Variants in CCDC125 observed in about 807,000 individuals in gnomAD.
The protein encoded by CCDC125 is coiled-coil domain containing 125.
CCDC125 carries 43 observed loss-of-function variants against 57.4 expected under a neutral mutation model. The ratio of observed to expected loss-of-function variants is 0.75; its 90% CI spans 0.59 to 0.97. The LOEUF is 0.97. Ranked by LOEUF, CCDC125 falls within the 50% of genes least tolerant of loss-of-function variation. The probability of loss-of-function intolerance (pLI) is 0.00; values close to 1 mark genes in which losing one functional copy is unlikely to be tolerated. For synonymous variants in CCDC125, 187 were observed against 195.2 expected (o/e 0.96, Z 0.35); for missense variants, 563 against 595.7 (o/e 0.95, Z 0.57).
rs1396075072 is a variant in CCDC125, at chr5:69,301,354, C to T, written c.701-1227G>A. Reference sequence around the variant, plus strand: ...TAGCCTCTTCTCTAAATTTTTAGGGCTGGGTGCAGTGGCTCACACCTGTAA... The same window carrying T: ...TAGCCTCTTCTCTAAATTTTTAGGGTTGGGTGCAGTGGCTCACACCTGTAA... On this transcript the variant is annotated intron_variant, in intron 7 of 11. Coordinates refer to ENST00000396496, the MANE Select transcript of CCDC125 (RefSeq NM_176816.5). 3.3e-5 allele frequency among the ~76,000 whole-genome samples: 5 copies of T among 152,208 alleles called. No homozygotes were observed. In the East Asian group the frequency reaches 9.7e-4, roughly 30 times the overall value.
At chr5:69,313,720 C>G in intron 3 of CCDC125, 1 of 771,738 alleles carries the variant, frequency 1.3e-6, no homozygotes, top group South Asian at 1.3e-5. Flanking sequence ...TCCTTGCCCT[C>G]CCCTTCAGGA....
intron 1 of CCDC125, among the ~76,000 whole-genome samples, chr5:69,331,205 A>G (rs1029190120): frequency 6.6e-6 from 1 of 152,026 alleles, no homozygotes; most frequent in South Asian, 2.1e-4. Context: ...TGGGAGGCTA[A>G]GCAGGAGAAT....
At chr5:69,294,709 G>A (rs1008778053) in intron 9 of CCDC125, 84 bp downstream of exon 9, 5 of 1,018,744 alleles carry the variant, frequency 4.9e-6, no homozygotes, top group Non-Finnish European at 7.5e-6. Flanking sequence ...CTAAAATGAA[G>A]TTAATTATTG....
chr5:69,326,000 T>C (rs1760692562), intron 1 of CCDC125, among the ~76,000 whole-genome samples: 3 of 151,780 alleles, frequency 2.0e-5, no homozygotes, highest in Non-Finnish European at 4.4e-5. Flanking sequence ...TGTACCACCT[T>C]GCCAGGCTAA....
intron 11 of CCDC125, 100 bp from the exon 12 acceptor site, chr5:69,283,134 TA>T (rs1226809311): frequency 2.2e-6 from 2 of 893,110 alleles, no homozygotes; most frequent in African/African-American, 3.4e-5. Flanking sequence ...TATTCAACCC[TA>T]ATATTCATAC....
chr5:69,277,855 A>C (rs1030178357), downstream of CCDC125, among the ~76,000 whole-genome samples: 2 of 152,136 alleles, frequency 1.3e-5, no homozygotes, highest in African/African-American at 4.8e-5. Context: ...AAAAAAAGAA[A>C]ACATTACAGA....
At position 69,300,075 on chromosome 5, in the gene CCDC125, C is replaced by T. The variant is rs1366575258; in HGVS notation, c.753G>A (p.Gln251=). 1 of 1,614,204 alleles carries T rather than the reference C, an allele frequency of 6.2e-7. No individual in the cohort carries two copies. Among genetic ancestry groups the T allele is most frequent in the South Asian group, 1.1e-5 (1 of 91,078 alleles). ...EALAMLDIKQ[Q]KMAQENMCCD... is the part of the protein sequence containing the mutation. ...AGCACATGTTTTCCTGAGCCATCTT[C>T]TGCTGTTTGATATCAAGCATGGCGA... The change falls in exon 8 of 12, where the codon CAG becomes CAA. Residue 251 remains glutamine (Q), a synonymous_variant. Transcript: ENST00000396496.
downstream of CCDC125, among the ~76,000 whole-genome samples, chr5:69,279,298 C>CG (rs1168150196): frequency 2.0e-5 from 3 of 150,698 alleles, no homozygotes; most frequent in Admixed American, 6.6e-5. Flanking sequence ...ACTGGGTTCA[C>CG]CCATTCTCCT....
chr5:69,287,735 A>ATT (rs35078773), intron 10 of CCDC125, among the ~76,000 whole-genome samples: 1 of 144,166 alleles, frequency 6.9e-6, no homozygotes, highest in East Asian at 2.0e-4. Context: ...ACACTTGGCT[A>ATT]TTTTTTTTTT....
chr5:69,320,123 G>A, intron 2 of CCDC125, 114 bp downstream of exon 2: 1 of 1,089,920 alleles, frequency 9.2e-7, no homozygotes, highest in Non-Finnish European at 1.3e-6. Context: ...ACTCCGTCCA[G>A]AAAAAAAAGA....
chr5:69,317,670 G>C (rs183135233), intron 2 of CCDC125, among the ~76,000 whole-genome samples: 1 of 152,132 alleles, frequency 6.6e-6, no homozygotes, highest in Non-Finnish European at 1.5e-5. Context: ...ACAGACTCCC[G>C]ATCATTTTGG....
chr5:69,311,439 T>C (rs188508445), intron 3 of CCDC125, among the ~76,000 whole-genome samples: 9 of 152,116 alleles, frequency 5.9e-5, no homozygotes, highest in Admixed American at 2.0e-4. Context: ...TCACCTGAGG[T>C]CAGGAGTTCA....
At chr5:69,290,293 TTATTATTAC>T (rs1326692081) in intron 10 of CCDC125, among the ~76,000 whole-genome samples, 9 of 150,606 alleles carry the variant, frequency 6.0e-5, no homozygotes, top group African/African-American at 2.2e-4. Flanking sequence ...ATTATTATTA[TTATTATTAC>T]TATTATTATT....
chr5:69,282,776 T>G lies in CCDC125; in HGVS notation c.1489A>C (p.Arg497=), dbSNP rs1215036276. 1 of 1,611,860 alleles carries G rather than the reference T, an allele frequency of 6.2e-7. No homozygotes were observed. The highest frequency in any genetic ancestry group is 8.5e-7 in the Non-Finnish European group (1 of 1,179,588). Residue 497 remains arginine, a synonymous_variant, in exon 12 of 12, where the codon AGA becomes CGA. Transcript: ENST00000396496. The stretch of plus-strand genomic sequence containing the variant: ...AAAGAATGGGATCTTTTAAGAGTTC[T>G]ATAGTTTGGATCTATTTGAGAGTGC... ...IQHSQIDPNY[R]TLKRSHSLPS...
chr5:69,290,844 G>A (rs1754336971), intron 10 of CCDC125, among the ~76,000 whole-genome samples: 1 of 151,548 alleles, frequency 6.6e-6, no homozygotes, highest in South Asian at 2.1e-4. Context: ...TGGCCAGGCT[G>A]GTCTCAAACT....
chr5:69,307,010 A>C (rs1757423739), intron 5 of CCDC125, 108 bp from the exon 6 acceptor site: 1 of 1,220,156 alleles, frequency 8.2e-7, no homozygotes. Context: ...GAAATGGTTT[A>C]AAGAGAAAAA....
downstream of CCDC125, among the ~76,000 whole-genome samples, chr5:69,279,399 T>C (rs577563540): frequency 3.9e-5 from 6 of 152,146 alleles, no homozygotes; most frequent in Non-Finnish European, 8.8e-5. Context: ...GGTTTCACTG[T>C]GTTAGCCAGG....
intron 10 of CCDC125, among the ~76,000 whole-genome samples, chr5:69,291,946 G>A (rs945527470): frequency 2.0e-5 from 3 of 152,148 alleles, no homozygotes; most frequent in Non-Finnish European, 4.4e-5. Context: ...TGAAACAGAA[G>A]AGTACTAGAA....
At chr5:69,308,413 G>C (rs1757665838) in intron 4 of CCDC125, 1 of 242,784 alleles carries the variant, frequency 4.1e-6, no homozygotes, top group Admixed American at 4.9e-5. Context: ...AATCATGGGG[G>C]TGGTTTTCCC....
Sources: allele counts gnomAD v4.1 joint callset (sites outside exome capture counted in the v4.1 genomes callset), GRCh38; gene constraint gnomAD v4.1.1; transcripts MANE v1.5; gene names NCBI Gene and HGNC (gene_info 2026-07-23, HGNC 2026-07-21).